The following BABAM2 variants were observed in gnomAD, a reference collection of about 807,000 sequenced individuals.
The protein encoded by BABAM2 is BRISC and BRCA1 A complex member 2, also known as BRISC and BRCA1-A complex member 2.
Under a neutral mutation model 54.7 loss-of-function variants are expected in BABAM2, and 31 were observed. The observed-to-expected ratio is 0.57, with a 90% CI of 0.43 to 0.77. The LOEUF (loss-of-function observed/expected upper bound fraction) is 0.77, where lower values mean the gene tolerates loss of function less well. BABAM2 is among the 30% of genes least tolerant of loss of function. The pLI is 0.00. For synonymous variants in BABAM2, 167 were observed against 162.9 expected, an observed-to-expected ratio of 1.03 and a Z score of -0.19; for missense variants, 364 against 455.8, an observed-to-expected ratio of 0.80 and a Z score of 1.83.
intron 4 of BABAM2, among the ~76,000 whole-genome samples, chr2:28,015,001 A>C (rs565824425): frequency 4.6e-5 from 7 of 152,340 alleles, no homozygotes; most frequent in Admixed American, 1.3e-4. Flanking sequence ...ATGCTAAAAA[A>C]TATTCATTAT....
intron 6 of BABAM2, among the ~76,000 whole-genome samples, chr2:28,092,182 C>G (rs984329806): frequency 9.2e-5 from 14 of 152,178 alleles, no homozygotes; most frequent in African/African-American, 2.9e-4. Flanking sequence ...AGGATGTACA[C>G]TCTTATGACT....
At chr2:27,905,660 G>T (rs1395990638) in intron 2 of BABAM2, among the ~76,000 whole-genome samples, 1 of 152,140 alleles carries the variant, frequency 6.6e-6, no homozygotes, top group African/African-American at 2.4e-5. Flanking sequence ...AGTCTATAAA[G>T]AGTGTCCATG....
intron 2 of BABAM2, among the ~76,000 whole-genome samples, chr2:27,895,808 A>C (rs544082020): frequency 6.6e-6 from 1 of 152,166 alleles, no homozygotes; most frequent in East Asian, 1.9e-4. Context: ...TATTAATTTG[A>C]ATTCTACTGT....
chr2:28,143,794 A>T (rs541323431), intron 7 of BABAM2, among the ~76,000 whole-genome samples: 4 of 152,332 alleles, frequency 2.6e-5, no homozygotes, highest in Non-Finnish European at 5.9e-5. Flanking sequence ...TTCTCACAAC[A>T]ACCCTATGAG....
chr2:27,897,723 C>T (rs572323016), intron 2 of BABAM2, among the ~76,000 whole-genome samples: 1 of 152,094 alleles, frequency 6.6e-6, no homozygotes, highest in Non-Finnish European at 1.5e-5. Context: ...ACTTCCCCAG[C>T]TTATAAATGG....
intron 11 of BABAM2, chr2:28,308,074 G>T (rs1000070235): frequency 4.6e-6 from 1 of 219,174 alleles, no homozygotes; most frequent in South Asian, 7.1e-5. Flanking sequence ...AAAAACTGAG[G>T]CTCAGAGTGA....
intron 3 of BABAM2, among the ~76,000 whole-genome samples, chr2:27,936,643 T>A (rs2148368471): frequency 6.6e-6 from 1 of 152,302 alleles, no homozygotes; most frequent in South Asian, 2.1e-4. Flanking sequence ...TTCATGTCCT[T>A]TGTAGGGACA....
intron 6 of BABAM2, among the ~76,000 whole-genome samples, chr2:28,116,604 G>A (rs1668638757): frequency 6.6e-6 from 1 of 152,204 alleles, no homozygotes; most frequent in Non-Finnish European, 1.5e-5. Flanking sequence ...AGCCACCTGG[G>A]AAGAATCGCT....
intron 6 of BABAM2, among the ~76,000 whole-genome samples, chr2:28,110,426 C>T (rs552065358): frequency 4.9e-4 from 75 of 152,076 alleles, no homozygotes; most frequent in Admixed American, 4.0e-3. Flanking sequence ...GAGTTCGAGA[C>T]TAGCCTGGCC....
intron 6 of BABAM2, among the ~76,000 whole-genome samples, chr2:28,065,002 CAAA>C (rs796411019): frequency 9.3e-5 from 10 of 107,092 alleles, no homozygotes; most frequent in Non-Finnish European, 1.2e-4. Context: ...GACTCTATCT[CAAA>C]AAAAAAAAAA....
At chr2:28,219,131 C>T (rs1316579941) in intron 7 of BABAM2, among the ~76,000 whole-genome samples, 1 of 152,218 alleles carries the variant, frequency 6.6e-6, no homozygotes, top group Non-Finnish European at 1.5e-5. Flanking sequence ...GTCAAGGTGC[C>T]AGTGGGCCGC....
At chr2:28,026,965 T>TAAAA (rs1553414652) in intron 5 of BABAM2, among the ~76,000 whole-genome samples, 2 of 84,002 alleles carry the variant, frequency 2.4e-5, no homozygotes, top group Non-Finnish European at 2.0e-5. Context: ...TATAAATATA[T>TAAAA]ATATAAATAT....
chr2:28,022,263 A>G lies in BABAM2; in HGVS notation c.301-2963A>G, dbSNP rs558264083. Reference sequence around the variant, plus strand: ...ATTACCACTATTCATGAGTTCGCTCATGACCACAAAGAGGCAAGTGCCAGT... The same window carrying G: ...ATTACCACTATTCATGAGTTCGCTCGTGACCACAAAGAGGCAAGTGCCAGT... On this transcript the variant is annotated intron_variant, in intron 4 of 11. Transcript: ENST00000379624. Among the ~76,000 whole-genome samples, 12 of 152,366 alleles carry G rather than the reference A, an allele frequency of 7.9e-5. No individual in the cohort carries two copies. In the South Asian group the frequency reaches 2.3e-3, roughly 29 times the overall value.
intron 3 of BABAM2, among the ~76,000 whole-genome samples, chr2:27,941,864 C>A (rs1020783686): frequency 6.6e-6 from 1 of 152,102 alleles, no homozygotes; most frequent in Non-Finnish European, 1.5e-5. Context: ...AGTTTCAGAA[C>A]TGTTACTTAA....
At chr2:28,228,089 G>A (rs1194659602) in intron 7 of BABAM2, among the ~76,000 whole-genome samples, 2 of 152,190 alleles carry the variant, frequency 1.3e-5, no homozygotes, top group African/African-American at 2.4e-5. Context: ...TTGTAAAGGT[G>A]TTGTAAAAAC....
intron 6 of BABAM2, among the ~76,000 whole-genome samples, chr2:28,078,055 AT>A (rs1664843758): frequency 6.6e-6 from 1 of 152,052 alleles, no homozygotes; most frequent in South Asian, 2.1e-4. Flanking sequence ...TAATTTATAC[AT>A]TTTAAAGTTT....
chr2:27,909,192 G>A (rs1573140215), intron 2 of BABAM2, among the ~76,000 whole-genome samples: 1 of 152,086 alleles, frequency 6.6e-6, no homozygotes, highest in African/African-American at 2.4e-5. Context: ...CCACAGGCAT[G>A]TGCCACCATA....
intron 7 of BABAM2, among the ~76,000 whole-genome samples, chr2:28,165,602 T>C (rs551893062): frequency 2.1e-5 from 3 of 144,678 alleles, no homozygotes; most frequent in South Asian, 4.4e-4. Flanking sequence ...TGGTATGATA[T>C]TGTGTCACTG....
At chr2:27,893,071 A>C (rs924503871) in intron 1 of BABAM2, among the ~76,000 whole-genome samples, 1 of 152,178 alleles carries the variant, frequency 6.6e-6, no homozygotes, top group Non-Finnish European at 1.5e-5. Flanking sequence ...GTAAGTTTTC[A>C]TGTGGTATAA....
Sources: gnomAD v4.1 joint callset for allele counts (sites outside exome capture counted in the v4.1 genomes callset) on GRCh38, gnomAD v4.1.1 for gene constraint, MANE v1.5 for transcripts, NCBI Gene and HGNC (gene_info 2026-07-23, HGNC 2026-07-21) for gene names.